PLCG1: variants seen among roughly 807,000 people sequenced by gnomAD.
PLCG1 encodes the protein 1-phosphatidylinositol 4,5-bisphosphate phosphodiesterase gamma-1.
A neutral mutation model predicts 177.8 loss-of-function variants in PLCG1; 71 were observed. The ratio of observed to expected loss-of-function variants is 0.40; its 90% CI spans 0.33 to 0.49. The LOEUF (loss-of-function observed/expected upper bound fraction) is 0.49, where lower values mean the gene tolerates loss of function less well. PLCG1 is among the 20% of genes least tolerant of loss of function. The pLI, the probability that PLCG1 is intolerant of heterozygous loss-of-function variation, is 0.72. For synonymous variants in PLCG1, 658 were observed against 647.9 expected (o/e 1.02, Z -0.24); for missense variants, 1,281 against 1,709.0 (o/e 0.75, Z 4.42).
intron 1 of PLCG1, among the ~76,000 whole-genome samples, chr20:41,143,240 C>T (rs2034887557): frequency 6.6e-6 from 1 of 152,214 alleles, no homozygotes. Flanking sequence ...CCTCTGCTGT[C>T]ACTGTTCTGT....
Position 41,165,283 on chromosome 20 carries a change from G to A in PLCG1, c.1425G>A (p.Val475=), listed in dbSNP as rs148776351. ...CTGAGGGCAGTGCCTACGAGGAGGTGCCTACATCCATGATGTACTCTGAGA... is the reference window on the plus strand; with the variant it reads ...CTGAGGGCAGTGCCTACGAGGAGGTACCTACATCCATGATGTACTCTGAGA... ...KLAEGSAYEE[V]PTSMMYSEND... Residue 475 remains valine (V), a synonymous_variant, in exon 14 of 32, where the codon GTG becomes GTA. Coordinates refer to ENST00000685551, the MANE Select transcript of PLCG1 (RefSeq NM_002660.3). The surrounding 1 kb of genome is among the most constrained non-coding windows in gnomAD (Gnocchi z 6.6). 1.2e-6 allele frequency: 2 copies of A among 1,614,010 alleles called. No individual in the cohort carries two copies. Among genetic ancestry groups the A allele is most frequent in the Non-Finnish European group, 1.7e-6 (2 of 1,180,022 alleles).
chr20:41,174,588 C>G lies in PLCG1; in HGVS notation c.*79C>G, dbSNP rs2036006094. The G allele has an allele frequency of 1.5e-6, 2 of 1,313,630 alleles. No individual in the cohort carries two copies. Among genetic ancestry groups the G allele is most frequent in the South Asian group, 2.5e-5 (2 of 78,924 alleles). 81.4% of individuals were successfully genotyped at this position (1,313,630 alleles called of 1,614,324 possible). On this transcript the variant is annotated 3_prime_UTR_variant, in exon 32 of 32. Coordinates refer to ENST00000685551, the MANE Select transcript of PLCG1 (RefSeq NM_002660.3). The surrounding 1 kb of genome is among the most constrained non-coding windows in gnomAD (Gnocchi z 5.8). ...CGCGAACTGGGTTCTTTGGAAGCAG[C>G]CCCCTGTGGCGGCCTTCCGGGTCTC...
chr20:41,171,953 CT>C (rs904176227), intron 24 of PLCG1, among the ~76,000 whole-genome samples: 17 of 152,320 alleles, frequency 1.1e-4, no homozygotes, highest in East Asian at 1.9e-4. Context: ...CCCACCCCCC[CT>C]AAGAGGGTTG....
At chr20:41,169,577 T>C in intron 23 of PLCG1, 51 bp downstream of exon 23, 1 of 1,350,928 alleles carries the variant, frequency 7.4e-7, no homozygotes, top group Non-Finnish European at 1.1e-6. Flanking sequence ...GTGAGATTCT[T>C]CTTTGTATCT....
intron 20 of PLCG1, among the ~76,000 whole-genome samples, chr20:41,168,533 T>A (rs1404462585): frequency 2.6e-5 from 4 of 152,224 alleles, no homozygotes; most frequent in Non-Finnish European, 5.9e-5. Flanking sequence ...TCCACCTGGG[T>A]CCCGAGGTAT....
At chr20:41,155,795 A>G (rs1393146790) in intron 1 of PLCG1, among the ~76,000 whole-genome samples, 5 of 152,126 alleles carry the variant, frequency 3.3e-5, no homozygotes, top group East Asian at 1.9e-4. Flanking sequence ...AGACTTCTCT[A>G]TTACCAGCAC....
chr20:41,166,399 G>C lies in PLCG1; in HGVS notation c.2000+5G>C. ...CAACGCCCACGAGAGCAAAGAGTGA[G>C]GGAAGGGCCTGGGGGCGGACAAGGC... On this transcript the variant is annotated splice_donor_5th_base_variant and intron_variant, in intron 17 of 31. Transcript: ENST00000685551. The surrounding 1 kb of genome is among the most constrained non-coding windows in gnomAD (Gnocchi z 8.6). The C allele has an allele frequency of 6.2e-7, 1 of 1,614,104 alleles. No individual in the cohort carries two copies. The highest frequency in any genetic ancestry group is 8.5e-7 in the Non-Finnish European group (1 of 1,180,046).
chr20:41,164,072 G>C lies in PLCG1; in HGVS notation c.1097-9G>C. Reference sequence around the variant, plus strand: ...CTGCCCGCTTGACCATGGTGATGTTGCTCCCCAGTGGACTGCTGGGACGGC... The same window carrying C: ...CTGCCCGCTTGACCATGGTGATGTTCCTCCCCAGTGGACTGCTGGGACGGC... On this transcript the variant is annotated splice_polypyrimidine_tract_variant and intron_variant, in intron 11 of 31. Coordinates refer to ENST00000685551, the MANE Select transcript of PLCG1 (RefSeq NM_002660.3). This position sits in a 1 kb window ranked among gnomAD's most constrained non-coding sequence, Gnocchi z 6.4. 1 of 1,614,168 alleles carries C rather than the reference G, an allele frequency of 6.2e-7. No homozygotes were observed. Among genetic ancestry groups the C allele is most frequent in the Non-Finnish European group, 8.5e-7 (1 of 1,180,018 alleles).
intron 1 of PLCG1, among the ~76,000 whole-genome samples, chr20:41,141,217 T>C (rs1283022055): frequency 1.3e-5 from 2 of 152,246 alleles, no homozygotes; most frequent in Non-Finnish European, 2.9e-5. Context: ...TGGCTGAGCA[T>C]GTCCATGGGG....
At chr20:41,149,715 A>C (rs1029996350) in intron 1 of PLCG1, among the ~76,000 whole-genome samples, 15 of 152,134 alleles carry the variant, frequency 9.9e-5, no homozygotes, top group Non-Finnish European at 2.2e-4. Context: ...AGAGCACCGG[A>C]AGAGAGGACC....
At position 41,172,623 on chromosome 20, in the gene PLCG1, G is replaced by A. The variant is rs767543086; in HGVS notation, c.3108G>A (p.Val1036=). 3 of 1,614,018 alleles carry A rather than the reference G, an allele frequency of 1.9e-6. No homozygotes were observed. The African/African-American group carries it at 4.0e-5, about 22-fold the overall frequency. ...TGTGGATCTGTGGCAGTCAGCTTGT[G>A]GCCCTCAACTTCCAGACCCCTGGTG... is the stretch of plus-strand genomic sequence containing the variant. The part of the protein sequence containing the change: ...LPMWICGSQL[V]ALNFQTPDKP... The change falls in exon 26 of 32, where the codon GTG becomes GTA. Residue 1036 remains valine, a synonymous_variant. Coordinates refer to ENST00000685551, the MANE Select transcript of PLCG1 (RefSeq NM_002660.3). This position sits in a 1 kb window ranked among gnomAD's most constrained non-coding sequence, Gnocchi z 7.0.
At chr20:41,145,473 C>T (rs1246576388) in intron 1 of PLCG1, among the ~76,000 whole-genome samples, 1 of 152,158 alleles carries the variant, frequency 6.6e-6, no homozygotes, top group African/African-American at 2.4e-5. Flanking sequence ...TCATCTCTGC[C>T]ATAGCTGCCC....
At chr20:41,168,451 C>T (rs879271947) in intron 20 of PLCG1, among the ~76,000 whole-genome samples, 33 of 152,364 alleles carry the variant, frequency 2.2e-4, no homozygotes, top group Non-Finnish European at 3.8e-4. Flanking sequence ...ACCCTGCCTT[C>T]TTGGCCTGCC....
At position 41,172,295 on chromosome 20, in the gene PLCG1, G is replaced by T. The variant is rs763745334; in HGVS notation, c.2905+6G>T. ...TGTTCCCTTTGATGAAGAGAGTAAGGGCCAGGGCCCAGGCGGGGTGTGCAT... is the reference window on the plus strand; with the variant it reads ...TGTTCCCTTTGATGAAGAGAGTAAGTGCCAGGGCCCAGGCGGGGTGTGCAT... On this transcript the variant is annotated splice_donor_region_variant and intron_variant, in intron 25 of 31. Transcript: ENST00000685551. The surrounding 1 kb of genome is among the most constrained non-coding windows in gnomAD (Gnocchi z 7.0). 1.2e-6 allele frequency: 2 copies of T among 1,611,254 alleles called. No homozygotes were observed. Among genetic ancestry groups the T allele is most frequent in the South Asian group, 1.1e-5 (1 of 91,014 alleles).
rs35980938 is a variant in PLCG1, at chr20:41,157,204, C to CTGTGTGTGTGTG, written c.218-2376_218-2365dup. On this transcript the variant is annotated intron_variant, in intron 1 of 31. Transcript: ENST00000685551. The surrounding 1 kb of genome is among the most constrained non-coding windows in gnomAD (Gnocchi z 5.4). ...GTGCAGGAGTGCAGGCCTGTTGACT[C>CTGTGTGTGTGTG]TGTGTGTGTGTGTGTGTGTGTGTGT... is the stretch of plus-strand genomic sequence containing the variant. Among the ~76,000 whole-genome samples, 4,756 of 143,918 alleles carry CTGTGTGTGTGTG rather than the reference C, an allele frequency of 0.033. 154 individuals carry two copies. The highest frequency in any genetic ancestry group is 0.13 in the East Asian group (608 of 4,760). The allele number at this position is 143,918 out of a possible 152,430, so 94.4% of individuals were successfully genotyped here.
chr20:41,146,653 T>G lies in PLCG1; in HGVS notation c.217+8795T>G, dbSNP rs1397246502. ...GGAGTTCACTTTGGGGTTGGCTTCC[T>G]GTTTTCTTGGACACCTGGGGATATG... On this transcript the variant is annotated intron_variant, in intron 1 of 31. Coordinates refer to ENST00000685551, the MANE Select transcript of PLCG1 (RefSeq NM_002660.3). This position sits in a 1 kb window ranked among gnomAD's most constrained non-coding sequence, Gnocchi z 6.3. Among the ~76,000 whole-genome samples, 1 of 152,234 alleles carries G rather than the reference T, an allele frequency of 6.6e-6. No homozygotes were observed. The highest frequency in any genetic ancestry group is 1.5e-5 in the Non-Finnish European group (1 of 68,036).
chr20:41,165,997 C>A lies in PLCG1; in HGVS notation c.1799+171C>A, dbSNP rs1482710244. ...ACACACACTCTCTGTCTCACCCCCC[C>A]CCCATACCCCTCCCTTTTCGGTTCA... On this transcript the variant is annotated intron_variant, in intron 16 of 31. Coordinates refer to ENST00000685551, the MANE Select transcript of PLCG1 (RefSeq NM_002660.3). The surrounding 1 kb of genome is among the most constrained non-coding windows in gnomAD (Gnocchi z 6.6). The A allele has an allele frequency of 1.5e-6, 1 of 685,220 alleles. No homozygotes were observed. The highest frequency in any genetic ancestry group is 2.4e-6 in the Non-Finnish European group (1 of 416,828). The allele number at this position is 685,220 out of a possible 1,614,324, so 42.4% of individuals were successfully genotyped here.
At chr20:41,155,166 T>C (rs1291830857) in intron 1 of PLCG1, among the ~76,000 whole-genome samples, 1 of 152,228 alleles carries the variant, frequency 6.6e-6, no homozygotes, top group Admixed American at 6.5e-5. Flanking sequence ...AATTCAGTCT[T>C]GTGGCATTTT....
Position 41,166,418 on chromosome 20 carries a change from A to G in PLCG1, c.2000+24A>G. ...GAGTGAGGGAAGGGCCTGGGGGCGG[A>G]CAAGGCAGGGCAGGGCCATGGGTGG... On this transcript the variant is annotated intron_variant, in intron 17 of 31. Transcript: ENST00000685551. The surrounding 1 kb of genome is among the most constrained non-coding windows in gnomAD (Gnocchi z 8.6). 8 of 1,613,970 alleles carry G rather than the reference A, an allele frequency of 5.0e-6. No individual in the cohort carries two copies. Among genetic ancestry groups the G allele is most frequent in the Non-Finnish European group, 6.8e-6 (8 of 1,180,020 alleles).
Sources: allele counts gnomAD v4.1 joint callset (sites outside exome capture counted in the v4.1 genomes callset), GRCh38; gene constraint gnomAD v4.1.1; non-coding constraint Gnocchi (gnomAD v3.1); transcripts MANE v1.5; gene names NCBI Gene and HGNC (gene_info 2026-07-23, HGNC 2026-07-21).